PMPCA: variants seen among roughly 807,000 people sequenced by gnomAD.
PMPCA encodes peptidase, mitochondrial processing subunit alpha.
In PMPCA, 47 loss-of-function variants were observed where a neutral mutation model predicts 59.3. The observed-to-expected ratio is 0.79, with a 90% CI of 0.63 to 1.01. The LOEUF is 1.01. Ranked by LOEUF, PMPCA falls within the 50% of genes least tolerant of loss-of-function variation. The pLI, the probability that PMPCA is intolerant of heterozygous loss-of-function variation, is 0.00. For synonymous variants in PMPCA, 338 were observed against 290.3 expected, an observed-to-expected ratio of 1.16 and a Z score of -1.67; for missense variants, 726 against 704.5, an observed-to-expected ratio of 1.03 and a Z score of -0.34.
At position 136,412,983 on chromosome 9, in the gene PMPCA, G is replaced by A. The variant is rs1356112428; in HGVS notation, c.437+91G>A. The A allele has an allele frequency of 1.4e-5, 11 of 801,468 alleles. No individual in the cohort carries two copies. The Admixed American group carries it at 1.8e-4, about 13-fold the overall frequency. 49.6% of individuals were successfully genotyped at this position (801,468 alleles called of 1,614,324 possible). A position where few individuals can be genotyped will look rare whatever the true frequency, so the allele number is the denominator to read the frequency against. ...AGATTCCCTCTGAGCCCCTCCCAGC[G>A]GGAGGTGTGGAGATTCACGGGGAGA... On this transcript the variant is annotated intron_variant, in intron 4 of 12. Coordinates refer to ENST00000371717, the MANE Select transcript of PMPCA (RefSeq NM_015160.3).
chr9:136,416,263 C>T (rs757616096), intron 5 of PMPCA, 28 bp from the exon 6 acceptor site: 44 of 1,545,164 alleles, frequency 2.8e-5, no homozygotes, highest in Non-Finnish European at 3.8e-5. Context: ...TGTGCAGACT[C>T]AGCCCTGGCC....
In PMPCA at chr9:136,414,569, G is replaced by T. The variant is rs755444850; in HGVS notation, c.454G>T (p.Ala152Ser). ...TTCTTCCAGAGACACCACCATGTAT[G>T]CTGTGTCTGCTGATAGCAAAGGCTT... ...CQTSRDTTMY[A>S]VSADSKGLDT... Residue 152 changes from alanine (A) to serine (S), a missense_variant, in exon 5 of 13, where the codon GCT becomes TCT. Ala to Ser is a moderately conservative substitution (Grantham distance 99). Transcript: ENST00000371717. 3 of 1,611,482 alleles carry T rather than the reference G, an allele frequency of 1.9e-6. No homozygotes were observed. The highest frequency in any genetic ancestry group is 2.2e-5 in the South Asian group (2 of 91,034).
intron 4 of PMPCA, among the ~76,000 whole-genome samples, chr9:136,414,198 T>A (rs1835209890): frequency 6.6e-6 from 1 of 152,208 alleles, no homozygotes. Context: ...CAAAAATCTG[T>A]ATCAGAAGTG....
chr9:136,413,588 T>C (rs1835193995), intron 4 of PMPCA, among the ~76,000 whole-genome samples: 1 of 152,346 alleles, frequency 6.6e-6, no homozygotes, highest in South Asian at 2.1e-4. Flanking sequence ...AACATATTCA[T>C]GTTCTAAAAC....
chr9:136,413,067 C>T, intron 4 of PMPCA, 175 bp downstream of exon 4: 1 of 564,084 alleles, frequency 1.8e-6, no homozygotes, highest in South Asian at 2.3e-5. Flanking sequence ...GAAGCACAGC[C>T]CCCAGGAGCT....
At chr9:136,422,479 A>G in intron 12 of PMPCA, 1 of 1,035,020 alleles carries the variant, frequency 9.7e-7, no homozygotes, top group Non-Finnish European at 1.2e-6. Flanking sequence ...ACAGGCTTAA[A>G]ACCTGGCAAG....
rs201851161 is a variant in PMPCA at position 136,412,041 on chromosome 9, A to G, written c.116A>G (p.Tyr39Cys). The G allele has an allele frequency of 1.9e-6, 3 of 1,613,528 alleles. No homozygotes were observed. Among genetic ancestry groups the G allele is most frequent in the East Asian group, 4.5e-5 (2 of 44,882 alleles). The change falls in exon 2 of 13, where the codon TAT becomes TGT. Residue 39 changes from tyrosine to cysteine, a missense_variant. Transcript: ENST00000371717. ...AYRRFSSGGA[Y>C]PNIPLSSPLP... ...AGACGGTTTAGTAGTGGTGGTGCCT[A>G]TCCCAACATCCCCCTCTCTTCTCCC...
chr9:136,418,113 A>G lies in PMPCA; in HGVS notation c.990+4A>G. 1.9e-6 allele frequency: 3 copies of G among 1,603,002 alleles called. No individual in the cohort carries two copies. Among genetic ancestry groups the G allele is most frequent in the African/African-American group, 1.3e-5 (1 of 74,858 alleles). ...ACTGGAGAGCTGCTCCTTCCTGGTGAGTCCTGGTGCTGGGTCTGATGGCGT... is the reference window on the plus strand; with the variant it reads ...ACTGGAGAGCTGCTCCTTCCTGGTGGGTCCTGGTGCTGGGTCTGATGGCGT... On this transcript the variant is annotated splice_donor_region_variant and intron_variant, in intron 8 of 12. Coordinates refer to ENST00000371717, the MANE Select transcript of PMPCA (RefSeq NM_015160.3).
chr9:136,416,178 GCCAACAGCCA>G (rs1370541074), intron 5 of PMPCA, 103 bp from the exon 6 acceptor site: 9 of 758,372 alleles, frequency 1.2e-5, no homozygotes, highest in Non-Finnish European at 1.8e-5. Flanking sequence ...AGAGGTGACT[GCCAACAGCCA>G]CCAACAGGCG....
At chr9:136,411,018 C>A in intron 1 of PMPCA, 1 of 367,470 alleles carries the variant, frequency 2.7e-6, no homozygotes, top group African/African-American at 2.1e-5. Context: ...TCATATTTGC[C>A]CCCGCGCTTC....
intron 6 of PMPCA, 136 bp downstream of exon 6, chr9:136,416,527 A>T (rs961644635): frequency 2.8e-6 from 2 of 717,078 alleles, no homozygotes; most frequent in African/African-American, 3.5e-5. Flanking sequence ...TTGTTTTTTG[A>T]GATGAGGTTT....
chr9:136,417,707 G>C (rs906734496), intron 7 of PMPCA, among the ~76,000 whole-genome samples: 61 of 151,812 alleles, frequency 4.0e-4, no homozygotes, highest in African/African-American at 1.4e-3. Context: ...ACCTGCCTCA[G>C]CCTCCCAAAA....
intron 7 of PMPCA, 64 bp downstream of exon 7, chr9:136,417,278 C>T: frequency 7.1e-7 from 1 of 1,404,942 alleles, no homozygotes; most frequent in Non-Finnish European, 9.6e-7. Flanking sequence ...CGTGGTGTGA[C>T]CTGTTTTTGT....
chr9:136,417,353 C>G lies in PMPCA; in HGVS notation c.897+139C>G, dbSNP rs1835311609. ...CTTTGCCTTAACACATGCTGTAGTC[C>G]CACAGCAGGGCATGGACTGTGTCCC... On this transcript the variant is annotated intron_variant, in intron 7 of 12. Transcript: ENST00000371717. 6.2e-6 allele frequency: 4 copies of G among 640,530 alleles called. No homozygotes were observed. In the African/African-American group the frequency reaches 7.3e-5, roughly 12 times the overall value. The allele number at this position is 640,530 out of a possible 1,614,324, so 39.7% of individuals were successfully genotyped here.
intron 11 of PMPCA, 144 bp downstream of exon 11, chr9:136,419,250 A>C (rs1173835829): frequency 2.5e-6 from 2 of 795,226 alleles, no homozygotes; most frequent in Non-Finnish European, 4.5e-6. Context: ...AGGGCGGCCA[A>C]GGAGGCACAG....
At chr9:136,422,062 G>C in intron 12 of PMPCA, 86 bp downstream of exon 12, 4 of 1,549,578 alleles carry the variant, frequency 2.6e-6, no homozygotes, top group Non-Finnish European at 3.5e-6. Flanking sequence ...AGGCCGTGGT[G>C]GGCCTGTGGT....
At chr9:136,422,508 G>T (rs1835486355) in intron 12 of PMPCA, 3 of 1,028,502 alleles carry the variant, frequency 2.9e-6, no homozygotes, top group Non-Finnish European at 3.5e-6. Context: ...TTACGTTGGG[G>T]TGGCTCGGGC....
intron 11 of PMPCA, among the ~76,000 whole-genome samples, chr9:136,421,385 G>GA: frequency 6.7e-6 from 1 of 150,136 alleles, no homozygotes; most frequent in African/African-American, 2.5e-5. Flanking sequence ...GGTTGCCTGT[G>GA]ACTTGGGCCT....
intron 6 of PMPCA, 118 bp downstream of exon 6, chr9:136,416,509 A>C: frequency 1.3e-6 from 1 of 769,810 alleles, no homozygotes; most frequent in Middle Eastern, 2.3e-4. Context: ...TATATACAGA[A>C]CATTTTTTTG....
Sources: allele counts gnomAD v4.1 joint callset (sites outside exome capture counted in the v4.1 genomes callset), GRCh38; gene constraint gnomAD v4.1.1; transcripts MANE v1.5; gene names NCBI Gene and HGNC (gene_info 2026-07-23, HGNC 2026-07-21).